XYLT1: variants seen among roughly 807,000 people sequenced by gnomAD.
XYLT1 encodes beta-D-xylosyltransferase 1.
XYLT1 carries 36 observed loss-of-function variants against 91.3 expected under a neutral mutation model. The ratio of observed to expected loss-of-function variants is 0.39; its 90% CI spans 0.30 to 0.52. XYLT1 has a LOEUF of 0.52. XYLT1 is among the 20% of genes least tolerant of loss of function. The pLI is 0.68. For synonymous variants in XYLT1, 588 were observed against 532.0 expected (o/e 1.11, Z -1.45); for missense variants, 1,242 against 1,284.5 (o/e 0.97, Z 0.51).
At chr16:17,198,029 A>G (rs1448426269) in intron 5 of XYLT1, 183 bp downstream of exon 5, 1 of 671,660 alleles carries the variant, frequency 1.5e-6, no homozygotes, top group East Asian at 2.7e-5. Flanking sequence ...CTCAGTCTCT[A>G]TCTGTTGAAT....
intron 5 of XYLT1, among the ~76,000 whole-genome samples, chr16:17,169,781 T>C (rs2031783070): frequency 6.6e-6 from 1 of 152,220 alleles, no homozygotes; most frequent in African/African-American, 2.4e-5. Flanking sequence ...GCATCTCAAA[T>C]GTGCACAACA....
chr16:17,318,103 C>T (rs74013012), intron 2 of XYLT1, among the ~76,000 whole-genome samples: 7,154 of 152,240 alleles, frequency 0.047, 584 homozygotes, highest in African/African-American at 0.16. Context: ...TTGCTAAGGT[C>T]GGTGAAGCTG....
intron 2 of XYLT1, among the ~76,000 whole-genome samples, chr16:17,351,398 A>G (rs1329349750): frequency 6.6e-6 from 1 of 152,196 alleles, no homozygotes; most frequent in African/African-American, 2.4e-5. Context: ...CTGTAATCCC[A>G]GCTACTCAGG....
chr16:17,404,500 A>G (rs1312584628), intron 1 of XYLT1, among the ~76,000 whole-genome samples: 1 of 152,164 alleles, frequency 6.6e-6, no homozygotes, highest in Non-Finnish European at 1.5e-5. Context: ...GATCATCCCC[A>G]TTATACAGGT....
intron 5 of XYLT1, among the ~76,000 whole-genome samples, chr16:17,185,250 C>A (rs1297171619): frequency 6.6e-6 from 1 of 152,228 alleles, no homozygotes. Flanking sequence ...AATAACAGGG[C>A]TGAGGATATG....
At chr16:17,177,390 G>GT (rs2141563889) in intron 5 of XYLT1, among the ~76,000 whole-genome samples, 1 of 152,240 alleles carries the variant, frequency 6.6e-6, no homozygotes, top group East Asian at 1.9e-4. Flanking sequence ...ATGCATGTCT[G>GT]TTTCCTGCAT....
At chr16:17,121,980 GCA>G (rs371501882) in intron 10 of XYLT1, among the ~76,000 whole-genome samples, 31 of 151,232 alleles carry the variant, frequency 2.0e-4, no homozygotes, top group African/African-American at 5.8e-4. Context: ...ATATATATGC[GCA>G]CACACACACA....
At chr16:17,305,518 C>T (rs1218024954) in intron 2 of XYLT1, among the ~76,000 whole-genome samples, 1 of 150,758 alleles carries the variant, frequency 6.6e-6, no homozygotes, top group East Asian at 2.0e-4. Flanking sequence ...TGGGTTCAAG[C>T]GATTCTTCTG....
chr16:17,382,648 G>T (rs1448993306), intron 1 of XYLT1, among the ~76,000 whole-genome samples: 3 of 151,768 alleles, frequency 2.0e-5, no homozygotes, highest in Non-Finnish European at 4.4e-5. Flanking sequence ...CTACAGAGGA[G>T]CCAGTGTAAC....
chr16:17,319,539 T>G (rs1316015169), intron 2 of XYLT1, among the ~76,000 whole-genome samples: 1 of 151,854 alleles, frequency 6.6e-6, no homozygotes, highest in Non-Finnish European at 1.5e-5. Context: ...GCCTCCCGGA[T>G]TCAAGCGATT....
intron 2 of XYLT1, among the ~76,000 whole-genome samples, chr16:17,351,618 CAA>C (rs71640195): frequency 0.023 from 3,526 of 152,158 alleles, 128 homozygotes; most frequent in African/African-American, 0.081. Context: ...TGAACATAAA[CAA>C]GAGAACAAAC....
At chr16:17,326,008 G>T (rs2034795802) in intron 2 of XYLT1, among the ~76,000 whole-genome samples, 1 of 152,040 alleles carries the variant, frequency 6.6e-6, no homozygotes, top group South Asian at 2.1e-4. Flanking sequence ...GCTTTACTGA[G>T]GTATAACTGA....
At chr16:17,437,511 G>A (rs2036474800) in intron 1 of XYLT1, among the ~76,000 whole-genome samples, 1 of 152,126 alleles carries the variant, frequency 6.6e-6, no homozygotes, top group African/African-American at 2.4e-5. Flanking sequence ...CAATGTGCAC[G>A]ATGTCACCCA....
chr16:17,406,320 T>C (rs777557467), intron 1 of XYLT1, among the ~76,000 whole-genome samples: 12 of 152,232 alleles, frequency 7.9e-5, no homozygotes, highest in Non-Finnish European at 1.5e-4. Flanking sequence ...ACCACCTGCA[T>C]GTAGCTTGTT....
chr16:17,317,304 T>C (rs2034650254), intron 2 of XYLT1, among the ~76,000 whole-genome samples: 1 of 152,002 alleles, frequency 6.6e-6, no homozygotes, highest in African/African-American at 2.4e-5. Flanking sequence ...GGAAGACTGG[T>C]AAATGAATGC....
chr16:17,183,913 G>C (rs1178453645), intron 5 of XYLT1, among the ~76,000 whole-genome samples: 1 of 151,744 alleles, frequency 6.6e-6, no homozygotes, highest in Non-Finnish European at 1.5e-5. Flanking sequence ...TCAAATCTTT[G>C]CCCTCATCAA....
chr16:17,470,671 G>A lies in XYLT1; in HGVS notation c.126C>T (p.Ala42=), dbSNP rs1359623297. 20 of 1,147,896 alleles carry A rather than the reference G, an allele frequency of 1.7e-5. No individual in the cohort carries two copies. In the African/African-American group the frequency reaches 3.0e-4, roughly 17 times the overall value. 71.1% of individuals were successfully genotyped at this position (1,147,896 alleles called of 1,614,324 possible). The change falls in exon 1 of 12, where the codon GCC becomes GCT. Residue 42 remains alanine (A), a synonymous_variant. Coordinates refer to ENST00000261381, the MANE Select transcript of XYLT1 (RefSeq NM_022166.4). The stretch of plus-strand genomic sequence containing the variant: ...CCGCTGCGCCCCCGCGGCGCTCCCC[G>A]GCCCCGGAGTCGAGGCTGCTGAAAT... ...VWNFSSLDSG[A]GERRGGAAVG...
chr16:17,323,505 C>T (rs2034755317), intron 2 of XYLT1, among the ~76,000 whole-genome samples: 1 of 152,190 alleles, frequency 6.6e-6, no homozygotes, highest in South Asian at 2.1e-4. Flanking sequence ...TGTAGTCTAT[C>T]CAATTTCACT....
intron 4 of XYLT1, 134 bp downstream of exon 4, chr16:17,200,348 G>A: frequency 9.2e-7 from 1 of 1,089,906 alleles, no homozygotes; most frequent in Non-Finnish European, 1.3e-6. Context: ...GCTCTGTGGA[G>A]AGGCAGCTGG....
Sources: allele counts gnomAD v4.1 joint callset (sites outside exome capture counted in the v4.1 genomes callset), GRCh38; gene constraint gnomAD v4.1.1; transcripts MANE v1.5; gene names NCBI Gene and HGNC (gene_info 2026-07-23, HGNC 2026-07-21).